Variants in PALLD observed in about 807,000 individuals in gnomAD.
PALLD encodes palladin, cytoskeletal associated protein.
In PALLD, 61 loss-of-function variants were observed where a neutral mutation model predicts 123.5. That is an observed-to-expected ratio of 0.49 (90% CI 0.40 to 0.61). PALLD has a LOEUF of 0.61. Among genes scored for constraint, PALLD ranks in the 20% least tolerant of loss-of-function variants. The pLI, the probability that PALLD is intolerant of heterozygous loss-of-function variation, is 0.00. For synonymous variants in PALLD, 465 were observed against 496.4 expected (o/e 0.94, Z 0.84); for missense variants, 1,273 against 1,377.0 (o/e 0.92, Z 1.20).
At chr4:168,814,565 G>A (rs1027175572) in intron 10 of PALLD, among the ~76,000 whole-genome samples, 7 of 152,120 alleles carry the variant, frequency 4.6e-5, no homozygotes, top group Non-Finnish European at 8.8e-5. Flanking sequence ...CCTCAAAAGC[G>A]ACATAACTGC....
intron 10 of PALLD, among the ~76,000 whole-genome samples, chr4:168,761,364 T>G (rs1732800752): frequency 6.6e-6 from 1 of 152,160 alleles, no homozygotes; most frequent in African/African-American, 2.4e-5. Context: ...CATGTAAAAC[T>G]CGGAGATTCT....
intron 10 of PALLD, among the ~76,000 whole-genome samples, chr4:168,888,423 G>C (rs1753670503): frequency 6.6e-6 from 1 of 152,170 alleles, no homozygotes; most frequent in African/African-American, 2.4e-5. Context: ...GGTTAAGACA[G>C]TGCCCCCAAA....
At chr4:168,534,053 A>G (rs540058938) in intron 2 of PALLD, among the ~76,000 whole-genome samples, 2 of 152,334 alleles carry the variant, frequency 1.3e-5, no homozygotes, top group South Asian at 4.1e-4. Flanking sequence ...GCATCTCTTC[A>G]TTACCAAGGG....
intron 2 of PALLD, among the ~76,000 whole-genome samples, chr4:168,568,104 C>G (rs1768592189): frequency 6.6e-6 from 1 of 151,854 alleles, no homozygotes; most frequent in African/African-American, 2.4e-5. Context: ...GAGTTTAAAG[C>G]AACATGGGCC....
chr4:168,625,502 G>GATATATATATATATATAT lies in PALLD; in HGVS notation c.909-42672_909-42671insATATATATATATATATAT, dbSNP rs756984622. Among the ~76,000 whole-genome samples, 182 of 114,454 alleles carry GATATATATATATATATAT rather than the reference G, an allele frequency of 1.6e-3. 7 individuals carry two copies. The highest frequency in any genetic ancestry group is 5.3e-3 in the African/African-American group (160 of 30,012). 75.1% of individuals were successfully genotyped at this position (114,454 alleles called of 152,430 possible). ...TCCAATAAGGGATTAATATCCAGGA[G>GATATATATATATATATAT]ATATATATATATATATCCTATAAGG... On this transcript the variant is annotated intron_variant, in intron 2 of 21. Transcript: ENST00000505667.
At chr4:168,763,380 C>T (rs1332816942) in intron 10 of PALLD, among the ~76,000 whole-genome samples, 1 of 152,146 alleles carries the variant, frequency 6.6e-6, no homozygotes, top group East Asian at 1.9e-4. Context: ...CACAAGAACC[C>T]TGCTAAGCAG....
At chr4:168,508,227 T>C (rs951550577) in intron 1 of PALLD, among the ~76,000 whole-genome samples, 24 of 152,320 alleles carry the variant, frequency 1.6e-4, no homozygotes, top group Admixed American at 1.3e-3. Flanking sequence ...ATTGTACGTA[T>C]TGAAACATCA....
At chr4:168,596,923 ATAGCACTTTTACCCT>A (rs77212094) in intron 2 of PALLD, among the ~76,000 whole-genome samples, 12,845 of 152,164 alleles carry the variant, frequency 0.084, 735 homozygotes, top group Non-Finnish European at 0.12. Flanking sequence ...TAAATTCAAT[ATAGCACTTTTACCCT>A]TTTCAAAGTG....
chr4:168,584,018 C>T (rs895905877), intron 2 of PALLD, among the ~76,000 whole-genome samples: 15 of 152,058 alleles, frequency 9.9e-5, no homozygotes, highest in East Asian at 1.9e-4. Flanking sequence ...AAACTCTGTG[C>T]GTGGGTGCAT....
intron 2 of PALLD, among the ~76,000 whole-genome samples, chr4:168,645,911 A>T (rs993114000): frequency 6.6e-6 from 1 of 152,176 alleles, no homozygotes; most frequent in Non-Finnish European, 1.5e-5. Context: ...GAAGTAACAT[A>T]TGGAAAACTC....
At chr4:168,525,069 T>C (rs1030685800) in intron 2 of PALLD, among the ~76,000 whole-genome samples, 3 of 152,190 alleles carry the variant, frequency 2.0e-5, no homozygotes, top group African/African-American at 4.8e-5. Flanking sequence ...GCTGCCAGCA[T>C]TCTAATTAAG....
At chr4:168,783,855 G>A (rs1736299098) in intron 10 of PALLD, among the ~76,000 whole-genome samples, 1 of 152,112 alleles carries the variant, frequency 6.6e-6, no homozygotes, top group Admixed American at 6.5e-5. Context: ...GACCTGTAGT[G>A]TCCACTACCT....
chr4:168,847,683 C>G (rs1747072369), intron 10 of PALLD, among the ~76,000 whole-genome samples: 1 of 151,970 alleles, frequency 6.6e-6, no homozygotes, highest in South Asian at 2.1e-4. Flanking sequence ...AATATTTTAT[C>G]TTTAATTTTT....
intron 2 of PALLD, among the ~76,000 whole-genome samples, chr4:168,611,166 T>C (rs1244117164): frequency 2.0e-5 from 3 of 152,134 alleles, no homozygotes; most frequent in African/African-American, 4.8e-5. Context: ...AGTTGTTTTC[T>C]GGTTCTGGGG....
intron 3 of PALLD, among the ~76,000 whole-genome samples, chr4:168,671,907 G>T (rs778297590): frequency 1.3e-5 from 2 of 152,154 alleles, no homozygotes; most frequent in African/African-American, 2.4e-5. Flanking sequence ...ATCTCTAAAA[G>T]TTTAACAACC....
intron 2 of PALLD, among the ~76,000 whole-genome samples, chr4:168,543,106 C>T (rs1022948879): frequency 2.0e-5 from 3 of 152,066 alleles, no homozygotes; most frequent in African/African-American, 7.2e-5. Context: ...TAATTAAGAG[C>T]ACAGCCTCTG....
chr4:168,790,461 CT>C (rs982088618), intron 10 of PALLD, among the ~76,000 whole-genome samples: 96 of 145,196 alleles, frequency 6.6e-4, no homozygotes, highest in Non-Finnish European at 5.6e-4. Context: ...TGCCTGGCAT[CT>C]TTTTTTTTTT....
intron 10 of PALLD, among the ~76,000 whole-genome samples, chr4:168,820,255 G>T (rs567878506): frequency 2.0e-5 from 3 of 152,176 alleles, no homozygotes; most frequent in Non-Finnish European, 4.4e-5. Context: ...CCAAAGTCTC[G>T]TTGAATCCTT....
intron 2 of PALLD, among the ~76,000 whole-genome samples, chr4:168,619,851 C>T (rs993622799): frequency 1.3e-5 from 2 of 152,202 alleles, no homozygotes; most frequent in Admixed American, 1.3e-4. Context: ...TTTCCTAAAA[C>T]ATCAGATTTA....
Sources: gnomAD v4.1 joint callset for allele counts (sites outside exome capture counted in the v4.1 genomes callset) on GRCh38, gnomAD v4.1.1 for gene constraint, MANE v1.5 for transcripts, NCBI Gene and HGNC (gene_info 2026-07-23, HGNC 2026-07-21) for gene names.